SGCD: variants seen among roughly 807,000 people sequenced by gnomAD.
The protein encoded by SGCD is delta-sarcoglycan.
In SGCD, 18 loss-of-function variants were observed where a neutral mutation model predicts 36.6. The observed-to-expected ratio is 0.49, with a 90% confidence interval of 0.34 to 0.73. The LOEUF is 0.73. SGCD is among the 30% of genes least tolerant of loss of function. SGCD has a pLI of 0.01. For synonymous variants in SGCD, 133 were observed against 130.6 expected (o/e 1.02, Z -0.12); for missense variants, 387 against 346.7 (o/e 1.12, Z -0.92).
the SGCD span, among the ~76,000 whole-genome samples, chr5:155,807,706 A>G: frequency 1.3e-5 from 2 of 152,208 alleles, no homozygotes; most frequent in African/African-American, 4.8e-5. Context: ...GTTTTATGAT[A>G]CAAAGCCTTT....
At chr5:156,337,794 G>A (rs1215380148) in intron 2 of SGCD, among the ~76,000 whole-genome samples, 1 of 151,948 alleles carries the variant, frequency 6.6e-6, no homozygotes, top group Non-Finnish European at 1.5e-5. Context: ...TTTATCTCTA[G>A]GACCTACTGA....
At chr5:156,025,206 A>G (rs1759201021) in intron 1 of SGCD, among the ~76,000 whole-genome samples, 1 of 152,162 alleles carries the variant, frequency 6.6e-6, no homozygotes, top group East Asian at 1.9e-4. Context: ...TTGTATCAGC[A>G]TGGTGTTCAT....
At chr5:155,864,811 G>A in the SGCD span, among the ~76,000 whole-genome samples, 2 of 152,274 alleles carry the variant, frequency 1.3e-5, no homozygotes, top group East Asian at 3.9e-4. Context: ...GATATTTTCG[G>A]TACAGATTAT....
chr5:155,800,101 G>GA, the SGCD span, among the ~76,000 whole-genome samples: 2 of 152,060 alleles, frequency 1.3e-5, no homozygotes, highest in Admixed American at 6.5e-5. Flanking sequence ...TTACAGGCAT[G>GA]ATCTACCACG....
intron 4 of SGCD, among the ~76,000 whole-genome samples, chr5:156,588,988 T>TTTGTG (rs1554119119): frequency 1.4e-5 from 2 of 143,150 alleles, no homozygotes; most frequent in African/African-American, 5.2e-5. Context: ...GGAATCTATA[T>TTTGTG]TGTGTGTGTG....
chr5:156,615,902 T>C (rs1000528133), intron 6 of SGCD, among the ~76,000 whole-genome samples: 1 of 152,218 alleles, frequency 6.6e-6, no homozygotes, highest in Non-Finnish European at 1.5e-5. Flanking sequence ...ATTTTGAGTA[T>C]AGATGAGGAG....
intron 3 of SGCD, among the ~76,000 whole-genome samples, chr5:156,175,398 G>A (rs776894337): frequency 1.0e-4 from 15 of 145,260 alleles, no homozygotes; most frequent in African/African-American, 2.8e-4. Flanking sequence ...TTTTGTGAGC[G>A]CACTCTACTT....
chr5:155,768,760 C>T, the SGCD span, among the ~76,000 whole-genome samples: 1 of 152,212 alleles, frequency 6.6e-6, no homozygotes, highest in East Asian at 1.9e-4. Context: ...TGAAGTGAAT[C>T]ACCTCAAAAA....
rs930912235 is a variant in SGCD at position 156,765,812 on chromosome 5, A to G, written c.*6422A>G. The G allele has an allele frequency of 3.9e-5, 6 of 152,188 alleles. No individual in the cohort carries two copies. Among genetic ancestry groups the G allele is most frequent in the Non-Finnish European group, 8.8e-5 (6 of 68,036 alleles). The allele number at this position is 152,188 out of a possible 1,614,324, so 9.4% of individuals were successfully genotyped here. A position where few individuals can be genotyped will look rare whatever the true frequency, so the allele number is the denominator to read the frequency against. ...TCACCACATGTCAAACTAATTTTCAAGTTGTTGGGACATGTCCCCTACTAG... is the reference window on the plus strand; with the variant it reads ...TCACCACATGTCAAACTAATTTTCAGGTTGTTGGGACATGTCCCCTACTAG... On this transcript the variant is annotated 3_prime_UTR_variant, in exon 9 of 9. Coordinates refer to ENST00000337851, the MANE Select transcript of SGCD (RefSeq NM_000337.6).
intron 7 of SGCD, among the ~76,000 whole-genome samples, chr5:156,676,490 G>A (rs937494906): frequency 3.9e-5 from 6 of 152,152 alleles, no homozygotes; most frequent in East Asian, 1.9e-4. Flanking sequence ...TAAATAGCAC[G>A]TAGTCAAAAT....
chr5:156,350,822 T>A (rs78748244), intron 3 of SGCD, among the ~76,000 whole-genome samples: 1 of 152,174 alleles, frequency 6.6e-6, no homozygotes, highest in African/African-American at 2.4e-5. Flanking sequence ...CTTAAAATCT[T>A]TTAACTTTCA....
At chr5:155,985,489 A>G (rs186836632) in intron 1 of SGCD, among the ~76,000 whole-genome samples, 2 of 152,304 alleles carry the variant, frequency 1.3e-5, no homozygotes, top group African/African-American at 4.8e-5. Flanking sequence ...ACATGGGGCC[A>G]TCAGGATACT....
At chr5:155,883,717 GA>G (rs1412930409) in intron 1 of SGCD, among the ~76,000 whole-genome samples, 1 of 141,282 alleles carries the variant, frequency 7.1e-6, no homozygotes, top group Non-Finnish European at 1.5e-5. Flanking sequence ...ACAGATAAAT[GA>G]AGTGTGTACA....
At chr5:156,512,950 G>T (rs1039840098) in intron 4 of SGCD, among the ~76,000 whole-genome samples, 1 of 151,846 alleles carries the variant, frequency 6.6e-6, no homozygotes, top group Non-Finnish European at 1.5e-5. Context: ...CTGCAATGGG[G>T]CTATGTCTTG....
the SGCD span, among the ~76,000 whole-genome samples, chr5:155,790,092 A>C: frequency 6.6e-6 from 1 of 152,066 alleles, no homozygotes; most frequent in African/African-American, 2.4e-5. Flanking sequence ...TGCCTCAATA[A>C]ATTGAAACAA....
chr5:156,331,152 A>C (rs1007062602), intron 2 of SGCD, among the ~76,000 whole-genome samples: 6 of 152,184 alleles, frequency 3.9e-5, no homozygotes, highest in Admixed American at 6.5e-5. Flanking sequence ...AGGATGTTTT[A>C]CTCTGAATTA....
intron 7 of SGCD, among the ~76,000 whole-genome samples, chr5:156,719,374 A>AC (rs1755377432): frequency 6.8e-6 from 1 of 146,728 alleles, no homozygotes; most frequent in Non-Finnish European, 1.5e-5. Flanking sequence ...CTCATCATAT[A>AC]TTATAGATAT....
At chr5:155,816,557 A>G in the SGCD span, among the ~76,000 whole-genome samples, 1 of 152,200 alleles carries the variant, frequency 6.6e-6, no homozygotes, top group Non-Finnish European at 1.5e-5. Flanking sequence ...GAAACTCTAC[A>G]TATAAGTGGA....
intron 4 of SGCD, among the ~76,000 whole-genome samples, chr5:156,539,810 C>T (rs1758278262): frequency 6.6e-6 from 1 of 152,018 alleles, no homozygotes. Flanking sequence ...TTTATCAATC[C>T]TGATAGGTTT....
Sources: allele counts gnomAD v4.1 joint callset (sites outside exome capture counted in the v4.1 genomes callset), GRCh38; gene constraint gnomAD v4.1.1; transcripts MANE v1.5; gene names NCBI Gene and HGNC (gene_info 2026-07-23, HGNC 2026-07-21).